Variants in RNMT observed in about 807,000 individuals in gnomAD.
RNMT encodes RNA guanine-7 methyltransferase.
In RNMT, 27 loss-of-function variants were observed where a neutral mutation model predicts 56.0. The ratio of observed to expected loss-of-function variants is 0.48; its 90% confidence interval spans 0.36 to 0.67. The LOEUF is 0.67. Ranked by LOEUF, RNMT falls within the 30% of genes least tolerant of loss-of-function variation. RNMT has a pLI of 0.00. For missense variants in RNMT, 519 were observed against 552.1 expected (o/e 0.94, Z 0.60); for synonymous variants, 184 against 176.2 (o/e 1.04, Z -0.35).
At position 13,728,265 on chromosome 18, in the gene RNMT, T is replaced by TC. The variant is rs909860022; in HGVS notation, c.-172+1541dup. On this transcript the variant is annotated intron_variant, in intron 1 of 11. Coordinates refer to ENST00000383314, the MANE Select transcript of RNMT (RefSeq NM_003799.3). ...GTTCTCCCTAACAGTGTACAAGTGT[T>TC]CCCCCTTTTCTGCATCCTGCATCCT... Among the ~76,000 whole-genome samples the TC allele has an allele frequency of 4.0e-5, 6 of 151,126 alleles. No homozygotes were observed. In the East Asian group the frequency reaches 9.7e-4, roughly 24 times the overall value.
At chr18:13,759,556 T>TA (rs1460712660) in intron 11 of RNMT, among the ~76,000 whole-genome samples, 3 of 152,060 alleles carry the variant, frequency 2.0e-5, no homozygotes, top group Admixed American at 6.5e-5. Flanking sequence ...AAAATATCTT[T>TA]AATATTTTTA....
intron 3 of RNMT, among the ~76,000 whole-genome samples, chr18:13,733,249 C>T (rs999237555): frequency 1.3e-5 from 2 of 152,164 alleles, no homozygotes; most frequent in Non-Finnish European, 2.9e-5. Context: ...AAGCCCTTTA[C>T]CTATCATGGC....
intron 8 of RNMT, among the ~76,000 whole-genome samples, chr18:13,744,310 C>G (rs1223412549): frequency 1.3e-5 from 2 of 151,316 alleles, no homozygotes; most frequent in East Asian, 3.9e-4. Flanking sequence ...TTTTGAGATG[C>G]CTTTTTGCCA....
chr18:13,733,314 A>G (rs1337838307), intron 3 of RNMT, among the ~76,000 whole-genome samples: 1 of 152,182 alleles, frequency 6.6e-6, no homozygotes, highest in Non-Finnish European at 1.5e-5. Flanking sequence ...CTGTTGGGTT[A>G]CATGTAACAT....
intron 3 of RNMT, among the ~76,000 whole-genome samples, chr18:13,733,310 G>T (rs1234712945): frequency 6.6e-6 from 1 of 151,998 alleles, no homozygotes; most frequent in Admixed American, 6.6e-5. Flanking sequence ...AAAACTGTTG[G>T]GTTACATGTA....
Position 13,737,054 on chromosome 18 carries a change from A to G in RNMT, c.598A>G (p.Thr200Ala). 5.0e-6 allele frequency: 8 copies of G among 1,613,424 alleles called. No homozygotes were observed. Among genetic ancestry groups the G allele is most frequent in the Non-Finnish European group, 6.8e-6 (8 of 1,179,576 alleles). The part of the protein sequence containing the change: ...KVRQKKKRDI[T>A]VLDLGCGKGG... ...ACGACAGAAGAAAAAACGTGATATC[A>G]CTGTTTTGGACCTGGGATGTGGTAA... Residue 200 changes from threonine to alanine, a missense_variant, in exon 5 of 12, where the codon ACT (threonine) becomes GCT (alanine). Thr to Ala is a moderately conservative substitution (Grantham distance 58, BLOSUM62 0). Transcript: ENST00000383314.
chr18:13,740,267 T>C lies in RNMT; in HGVS notation c.780T>C (p.Ala260=). The change falls in exon 6 of 12, where the codon GCT becomes GCC. Residue 260 remains alanine (A), a synonymous_variant. Coordinates refer to ENST00000383314, the MANE Select transcript of RNMT (RefSeq NM_003799.3). ...EYIFSAEFIT[A]DSSKELLIDK... ...TTTTCAGTGCAGAATTTATAACTGC[T>C]GACAGCTCAAAGGTACAGTTTCTTT... 2 of 1,545,744 alleles carry C rather than the reference T, an allele frequency of 1.3e-6. No homozygotes were observed. Among genetic ancestry groups the C allele is most frequent in the Admixed American group, 1.7e-5 (1 of 59,798 alleles).
chr18:13,737,474 T>C (rs62086664), intron 5 of RNMT, among the ~76,000 whole-genome samples: 26,510 of 150,790 alleles, frequency 0.18, 2,903 homozygotes, highest in Admixed American at 0.26. Flanking sequence ...ACCTGGGAGG[T>C]GAAGGTTATA....
intron 11 of RNMT, among the ~76,000 whole-genome samples, chr18:13,754,553 G>T (rs540846096): frequency 1.3e-5 from 2 of 152,220 alleles, no homozygotes; most frequent in Admixed American, 6.5e-5. Context: ...GGTTGTGTTT[G>T]TGTTTACACA....
At chr18:13,735,844 T>G (rs2044150294) in intron 4 of RNMT, among the ~76,000 whole-genome samples, 1 of 152,206 alleles carries the variant, frequency 6.6e-6, no homozygotes, top group African/African-American at 2.4e-5. Context: ...GCTCTCTTGA[T>G]GTGTGCTTTG....
chr18:13,760,059 T>G lies in RNMT; in HGVS notation c.*80T>G. Reference sequence around the variant, plus strand: ...AACTCATCTCGATATATTTGATATTTCTCTGTCTGTTGATTTTAATTCTAA... The same window carrying G: ...AACTCATCTCGATATATTTGATATTGCTCTGTCTGTTGATTTTAATTCTAA... On this transcript the variant is annotated 3_prime_UTR_variant, in exon 12 of 12. Coordinates refer to ENST00000383314, the MANE Select transcript of RNMT (RefSeq NM_003799.3). The G allele has an allele frequency of 6.5e-7, 1 of 1,550,322 alleles. No individual in the cohort carries two copies. Among genetic ancestry groups the G allele is most frequent in the Non-Finnish European group, 8.7e-7 (1 of 1,145,274 alleles).
chr18:13,741,133 G>T (rs2044244727), intron 6 of RNMT, among the ~76,000 whole-genome samples: 2 of 152,180 alleles, frequency 1.3e-5, no homozygotes, highest in South Asian at 4.1e-4. Context: ...CCAGAAAGTT[G>T]TAATACCTTT....
intron 8 of RNMT, among the ~76,000 whole-genome samples, chr18:13,745,821 G>A (rs902460890): frequency 1.3e-5 from 2 of 152,084 alleles, no homozygotes; most frequent in African/African-American, 4.8e-5. Context: ...AATTAATAGT[G>A]TATCTTGCCA....
At chr18:13,748,493 G>C (rs140093626) in intron 9 of RNMT, among the ~76,000 whole-genome samples, 7 of 152,240 alleles carry the variant, frequency 4.6e-5, no homozygotes, top group African/African-American at 1.7e-4. Flanking sequence ...AAGAGCAGTC[G>C]GATGCCACTG....
chr18:13,760,879 C>T lies in RNMT; in HGVS notation c.*900C>T. The T allele has an allele frequency of 1.0e-6, 1 of 985,432 alleles. No homozygotes were observed. The highest frequency in any genetic ancestry group is 1.2e-6 in the Non-Finnish European group (1 of 829,926). 61.0% of individuals were successfully genotyped at this position (985,432 alleles called of 1,614,324 possible). On this transcript the variant is annotated 3_prime_UTR_variant, in exon 12 of 12. Coordinates refer to ENST00000383314, the MANE Select transcript of RNMT (RefSeq NM_003799.3). ...AATACTTGTTCCTCTGTTACAACCTCAGCACTTTGCACCGTAGGAGCCATT... is the reference window on the plus strand; with the variant it reads ...AATACTTGTTCCTCTGTTACAACCTTAGCACTTTGCACCGTAGGAGCCATT...
At chr18:13,728,370 C>T (rs1227766528) in intron 1 of RNMT, among the ~76,000 whole-genome samples, 6 of 118,654 alleles carry the variant, frequency 5.1e-5, no homozygotes, top group African/African-American at 1.0e-4. Context: ...GAGCCTTGCT[C>T]TGTCGCCCAG....
chr18:13,740,357 A>G, intron 6 of RNMT, 78 bp downstream of exon 6: 1 of 837,876 alleles, frequency 1.2e-6, no homozygotes, highest in Non-Finnish European at 1.9e-6. Context: ...AATCAACTCA[A>G]TTTTTACTTT....
At chr18:13,727,105 G>A (rs1232021986) in intron 1 of RNMT, among the ~76,000 whole-genome samples, 1 of 152,218 alleles carries the variant, frequency 6.6e-6, no homozygotes, top group Non-Finnish European at 1.5e-5. Context: ...TGACGGAGGG[G>A]GTGAACTTGG....
At chr18:13,749,877 C>A (rs895577251) in intron 9 of RNMT, among the ~76,000 whole-genome samples, 1 of 150,528 alleles carries the variant, frequency 6.6e-6, no homozygotes, top group Non-Finnish European at 1.5e-5. Context: ...CTTTCACCTC[C>A]CCCTTCTGAG....
Sources: gnomAD v4.1 joint callset for allele counts (sites outside exome capture counted in the v4.1 genomes callset) on GRCh38, gnomAD v4.1.1 for gene constraint, MANE v1.5 for transcripts, NCBI Gene and HGNC (gene_info 2026-07-23, HGNC 2026-07-21) for gene names.